MAPT: variants seen among roughly 807,000 people sequenced by gnomAD.
MAPT encodes the protein microtubule associated protein tau.
Under a neutral mutation model 67.9 loss-of-function variants are expected in MAPT, and 34 were observed. The observed-to-expected ratio is 0.50, with a 90% CI of 0.38 to 0.67. The LOEUF is 0.67. Ranked by LOEUF, MAPT falls within the 30% of genes least tolerant of loss-of-function variation. The pLI is 0.00. For synonymous variants in MAPT, 456 were observed against 464.5 expected, an observed-to-expected ratio of 0.98 and a Z score of 0.23; for missense variants, 881 against 1,115.2, an observed-to-expected ratio of 0.79 and a Z score of 2.99.
At chr17:45,994,402 G>A (rs922047743) in intron 8 of MAPT, among the ~76,000 whole-genome samples, 2 of 152,208 alleles carry the variant, frequency 1.3e-5, no homozygotes, top group African/African-American at 2.4e-5. Context: ...TGGGAGGTCT[G>A]AGGAGGCAGA....
At chr17:45,946,194 C>T (rs563207941) in intron 1 of MAPT, among the ~76,000 whole-genome samples, 87 of 152,204 alleles carry the variant, frequency 5.7e-4, no homozygotes, top group African/African-American at 2.0e-3. Flanking sequence ...GGATTCATTT[C>T]AGGCAGATTA....
chr17:46,024,634 C>T lies in MAPT; in HGVS notation c.*463C>T, dbSNP rs909331452. ...CAAAGGATTTGAAACTTGGTGTGTT[C>T]GTGGAGCCACAGGCAGACGATGTCA... On this transcript the variant is annotated 3_prime_UTR_variant, in exon 13 of 13. Coordinates refer to ENST00000262410, the MANE Select transcript of MAPT (RefSeq NM_001377265.1). 4.9e-6 allele frequency: 1 copy of T among 203,668 alleles called. No individual in the cohort carries two copies. Among genetic ancestry groups the T allele is most frequent in the East Asian group, 1.3e-4 (1 of 7,644 alleles). 12.6% of individuals were successfully genotyped at this position (203,668 alleles called of 1,614,324 possible).
In MAPT at chr17:45,990,072, C is replaced by CA. The variant is rs767769001; in HGVS notation, c.1604dup (p.Ala537GlyfsTer2). On this transcript the variant is annotated frameshift_variant, in exon 7 of 13. Transcript: ENST00000262410. LOFTEE classifies it high-confidence loss of function. The stretch of plus-strand genomic sequence containing the variant: ...GTTCTGGAGCAAAGGAGATGAAACT[C>CA]AAGGTAAGGAAACCACCTTTGAAAA... 2.5e-6 allele frequency: 4 copies of CA among 1,614,096 alleles called. No individual in the cohort carries two copies. The highest frequency in any genetic ancestry group is 2.2e-5 in the East Asian group (1 of 44,886).
At position 45,941,702 on chromosome 17, in the gene MAPT, CCTGCCT is replaced by C. The variant is rs1568208059; in HGVS notation, c.-17-20618_-17-20613del. Among the ~76,000 whole-genome samples the C allele has an allele frequency of 2.0e-4, 9 of 45,100 alleles. 3 individuals carry two copies. The East Asian group carries it at 3.8e-3, about 19-fold the overall frequency. The allele number at this position is 45,100 out of a possible 152,430, so 29.6% of individuals were successfully genotyped here. On this transcript the variant is annotated intron_variant, in intron 1 of 12. Coordinates refer to ENST00000262410, the MANE Select transcript of MAPT (RefSeq NM_001377265.1). ...TCCCTCCTTCCTTCCTTCCTTCCTG[CCTGCCT>C]TCCTTCCTTCCTTCCTTCCTTCCTT...
intron 1 of MAPT, among the ~76,000 whole-genome samples, chr17:45,946,613 A>AT (rs1404779750): frequency 1.2e-4 from 12 of 97,848 alleles, no homozygotes; most frequent in African/African-American, 4.1e-4. Flanking sequence ...AAAAAAAAAA[A>AT]AAATATATAT....
Position 46,024,484 on chromosome 17 carries a change from C to T in MAPT, c.*313C>T. ...CAATTCCTTTTGATTCTTTTTTCTTCCCCCTCCATGTAGAAGAGGGAGAAG... is the reference window on the plus strand; with the variant it reads ...CAATTCCTTTTGATTCTTTTTTCTTTCCCCTCCATGTAGAAGAGGGAGAAG... On this transcript the variant is annotated 3_prime_UTR_variant, in exon 13 of 13. Transcript: ENST00000262410. 2.4e-6 allele frequency: 1 copy of T among 412,414 alleles called. No homozygotes were observed. 25.5% of individuals were successfully genotyped at this position (412,414 alleles called of 1,614,324 possible). A position where few individuals can be genotyped will look rare whatever the true frequency, so the allele number is the denominator to read the frequency against.
At chr17:45,973,396 C>T (rs2071940871) in intron 3 of MAPT, 2 of 152,206 alleles carry the variant, frequency 1.3e-5, no homozygotes, top group East Asian at 1.9e-4. Flanking sequence ...ATGCCAGCTT[C>T]CCAAGCCTTG....
At chr17:45,938,977 C>A (rs1033926610) in intron 1 of MAPT, among the ~76,000 whole-genome samples, 2 of 152,002 alleles carry the variant, frequency 1.3e-5, no homozygotes, top group East Asian at 1.9e-4. Context: ...CCACGCCCGA[C>A]TAATTTTTGT....
At chr17:46,000,729 T>C (rs541288023) in intron 9 of MAPT, among the ~76,000 whole-genome samples, 1 of 152,158 alleles carries the variant, frequency 6.6e-6, no homozygotes, top group African/African-American at 2.4e-5. Flanking sequence ...CGGCCTCCTG[T>C]GCACCCTGAT....
At position 45,962,536 on chromosome 17, in the gene MAPT, G is replaced by C. The variant is rs2070562504; in HGVS notation, c.133+66G>C. 3 of 1,593,110 alleles carry C rather than the reference G, an allele frequency of 1.9e-6. No homozygotes were observed. In the African/African-American group the frequency reaches 4.0e-5, roughly 21 times the overall value. On this transcript the variant is annotated intron_variant, in intron 2 of 12. Coordinates refer to ENST00000262410, the MANE Select transcript of MAPT (RefSeq NM_001377265.1). ...AGCCAAGGGGTGGCGGGAACAGTTT[G>C]CATCCAGAATTGCAAAGAAATTTTA...
chr17:46,028,040 A>ACTT lies in MAPT; in HGVS notation c.*3872_*3874dup, dbSNP rs886053056. 6.5e-6 allele frequency: 1 copy of ACTT among 154,864 alleles called. No individual in the cohort carries two copies. The highest frequency in any genetic ancestry group is 2.4e-5 in the African/African-American group (1 of 41,428). 9.6% of individuals were successfully genotyped at this position (154,864 alleles called of 1,614,324 possible). A position where few individuals can be genotyped will look rare whatever the true frequency, so the allele number is the denominator to read the frequency against. On this transcript the variant is annotated 3_prime_UTR_variant, in exon 13 of 13. Transcript: ENST00000262410. The stretch of plus-strand genomic sequence containing the variant: ...ATCTACAGACCTGCAGCTTCATAAA[A>ACTT]CTTCTGATTTCTCTTCAGCTTTGAA...
chr17:45,968,234 C>G (rs2071291431), intron 2 of MAPT, among the ~76,000 whole-genome samples: 2 of 152,042 alleles, frequency 1.3e-5, no homozygotes, highest in African/African-American at 4.8e-5. Context: ...CCATTCTGAG[C>G]ATGTGACTTC....
In MAPT at chr17:45,989,903, C is replaced by T. The variant is rs370792998; in HGVS notation, c.1433C>T (p.Thr478Ile). The T allele has an allele frequency of 3.7e-6, 6 of 1,614,168 alleles. No homozygotes were observed. Among genetic ancestry groups the T allele is most frequent in the South Asian group, 3.3e-5 (3 of 91,082 alleles). The change falls in exon 7 of 13, where the codon ACC becomes ATC. Residue 478 changes from threonine to isoleucine, a missense_variant. This residue lies in a region of MAPT where 687 missense variants were observed against 766.1 expected (regional missense o/e 0.90). Coordinates refer to ENST00000262410, the MANE Select transcript of MAPT (RefSeq NM_001377265.1). ...AKTSTRSSAK[T>I]LKNRPCLSPK... is the part of the protein sequence containing the mutation. ...ACATCCACACGTTCCTCTGCTAAAACCTTGAAAAATAGGCCTTGCCTTAGC... is the reference window on the plus strand; with the variant it reads ...ACATCCACACGTTCCTCTGCTAAAATCTTGAAAAATAGGCCTTGCCTTAGC...
intron 1 of MAPT, among the ~76,000 whole-genome samples, chr17:45,923,851 T>C (rs2065999581): frequency 6.6e-6 from 1 of 152,174 alleles, no homozygotes; most frequent in Non-Finnish European, 1.5e-5. Flanking sequence ...CTGCATGAAT[T>C]TGGGCAAGTC....
At chr17:46,016,204 C>T (rs1375915183) in intron 11 of MAPT, among the ~76,000 whole-genome samples, 2 of 151,988 alleles carry the variant, frequency 1.3e-5, no homozygotes, top group Non-Finnish European at 2.9e-5. Context: ...TCAGCCTGGC[C>T]GACATGGCGA....
intron 11 of MAPT, among the ~76,000 whole-genome samples, chr17:46,016,371 AG>A (rs2076176647): frequency 6.7e-6 from 1 of 148,242 alleles, no homozygotes; most frequent in South Asian, 2.1e-4. Flanking sequence ...AGCTTGGGTG[AG>A]GGAGTGAGAC....
intron 9 of MAPT, among the ~76,000 whole-genome samples, chr17:46,002,922 A>G (rs1481059221): frequency 6.6e-6 from 1 of 152,088 alleles, no homozygotes; most frequent in Non-Finnish European, 1.5e-5. Flanking sequence ...AGTTGGGACC[A>G]CAGGCTTGCA....
chr17:45,957,268 T>G (rs2069844716), intron 1 of MAPT, among the ~76,000 whole-genome samples: 1 of 152,228 alleles, frequency 6.6e-6, no homozygotes, highest in South Asian at 2.1e-4. Flanking sequence ...TGTTGTTTCC[T>G]GACTTTTTAA....
chr17:45,922,049 G>A lies in MAPT; in HGVS notation c.-18+27363G>A, dbSNP rs528062054. On this transcript the variant is annotated intron_variant, in intron 1 of 12. Coordinates refer to ENST00000262410, the MANE Select transcript of MAPT (RefSeq NM_001377265.1). ...TTTTTTTTTTTCCTCCATCACCCAG[G>A]CTGGAGTGCAGTGAAGCTGGAGTGC... 5.3e-5 allele frequency among the ~76,000 whole-genome samples: 8 copies of A among 151,906 alleles called. No homozygotes were observed. The East Asian group carries it at 1.5e-3, about 29-fold the overall frequency.
Sources: allele counts gnomAD v4.1 joint callset (sites outside exome capture counted in the v4.1 genomes callset), GRCh38; gene constraint gnomAD v4.1.1; regional missense constraint gnomAD v4.1.1; transcripts MANE v1.5; gene names NCBI Gene and HGNC (gene_info 2026-07-23, HGNC 2026-07-21).